PARS2: variants seen among roughly 807,000 people sequenced by gnomAD.
PARS2 encodes the protein prolyl-tRNA synthetase 2, mitochondrial.
PARS2 carries 20 observed loss-of-function variants against 27.4 expected under a neutral mutation model. The ratio of observed to expected loss-of-function variants is 0.73; its 90% CI spans 0.51 to 1.06. The LOEUF (loss-of-function observed/expected upper bound fraction) is 1.06. PARS2 is among the 50% of genes least tolerant of loss of function. The pLI, the probability that PARS2 is intolerant of heterozygous loss-of-function variation, is 0.00. For missense variants in PARS2, 585 were observed against 602.1 expected (o/e 0.97, Z 0.30); for synonymous variants, 240 against 247.1 (o/e 0.97, Z 0.27).
intron 1 of PARS2, 40 bp downstream of exon 1, chr1:54,764,421 G>GC (rs1201006074): frequency 1.3e-5 from 2 of 152,224 alleles, no homozygotes; most frequent in African/African-American, 2.4e-5. Context: ...CGCTGCCCGC[G>GC]CCCGTCCCTC....
chr1:54,758,203 A>ATGGATG lies in PARS2; in HGVS notation c.953_958dup (p.Ser319_Ile320insThrSer). 6.2e-7 allele frequency: 1 copy of ATGGATG among 1,614,212 alleles called. No individual in the cohort carries two copies. The highest frequency in any genetic ancestry group is 1.3e-5 in the African/African-American group (1 of 75,058). ...GACATTGGTAAACTGGGCATTGAAA[A>ATGGATG]TGGATGAGTACTTGGTACCCAGGTA... On this transcript the variant is annotated inframe_insertion, in exon 2 of 2. Coordinates refer to ENST00000371279, the MANE Select transcript of PARS2 (RefSeq NM_152268.4).
At chr1:54,763,748 G>A (rs1410439259) in intron 1 of PARS2, among the ~76,000 whole-genome samples, 1 of 152,110 alleles carries the variant, frequency 6.6e-6, no homozygotes, top group East Asian at 1.9e-4. Flanking sequence ...CTACTCTGTC[G>A]GGACACTGTC....
rs1646133351 is a variant in PARS2, at chr1:54,758,265, C to T, written c.897G>A (p.Leu299=). ...QMNCPACQGP[L]TKTKGIEVGH... ...CCACCTCAATGCCTTTGGTTTTAGT[C>T]AATGGGCCCTGGCAAGCAGGGCAGT... The change falls in exon 2 of 2, where the codon TTG becomes TTA. Residue 299 remains leucine, a synonymous_variant. Coordinates refer to ENST00000371279, the MANE Select transcript of PARS2 (RefSeq NM_152268.4). The T allele has an allele frequency of 6.2e-7, 1 of 1,614,196 alleles. No individual in the cohort carries two copies. The highest frequency in any genetic ancestry group is 2.2e-5 in the East Asian group (1 of 44,878).
In PARS2 at chr1:54,758,145, G is replaced by A; in HGVS notation, c.1017C>T (p.Cys339=). The A allele has an allele frequency of 2.5e-6, 4 of 1,614,222 alleles. No homozygotes were observed. The highest frequency in any genetic ancestry group is 1.1e-5 in the South Asian group (1 of 91,088). Residue 339 remains cysteine (C), a synonymous_variant, in exon 2 of 2, where the codon TGC becomes TGT. Transcript: ENST00000371279. ...CGKPTLAEMG[C]YGLGVTRILA... is the part of the protein sequence containing the mutation. ...AGATCCGTGTCACACCCAAGCCATAGCACCCCATTTCAGCCAGGGTTGGTT... is the reference window on the plus strand; with the variant it reads ...AGATCCGTGTCACACCCAAGCCATAACACCCCATTTCAGCCAGGGTTGGTT...
At chr1:54,762,226 AC>A (rs1646162006) in intron 1 of PARS2, among the ~76,000 whole-genome samples, 1 of 149,050 alleles carries the variant, frequency 6.7e-6, no homozygotes, top group Admixed American at 6.8e-5. Flanking sequence ...CAACCTCCGT[AC>A]CCCCAGCCTC....
chr1:54,764,166 C>T (rs775684225), intron 1 of PARS2, among the ~76,000 whole-genome samples: 6 of 152,232 alleles, frequency 3.9e-5, no homozygotes, highest in Non-Finnish European at 7.3e-5. Flanking sequence ...GGAAGGCTGG[C>T]TCAGGCAGCA....
chr1:54,758,493 G>T lies in PARS2; in HGVS notation c.669C>A (p.Tyr223Ter). The T allele has an allele frequency of 4.3e-6, 7 of 1,614,190 alleles. No individual in the cohort carries two copies. Among genetic ancestry groups the T allele is most frequent in the Non-Finnish European group, 5.9e-6 (7 of 1,180,030 alleles). ...TGCAGTAGGCATCACACACCAGGCT[G>T]TAGGTCTGCTGGGCAGCCTCTGGGG... ...DSSPEAAQQT[Y>*]SLVCDAYCSL... The change falls in exon 2 of 2, where the codon TAC becomes TAA. Residue 223 changes from tyrosine to a stop codon, truncating the protein, a stop_gained. Transcript: ENST00000371279. LOFTEE classifies it high-confidence loss of function.
rs575692913 is a variant in PARS2 at position 54,758,742 on chromosome 1, C to T, written c.420G>A (p.Glu140=). ...ATNRWDLMGK[E]LLRLRDRHGK... ...CATGCCTGTCTCTAAGTCTTAGCAG[C>T]TCTTTGCCCATCAAGTCCCACCGGT... The change falls in exon 2 of 2, where the codon GAG becomes GAA. Residue 140 remains glutamate (E), a synonymous_variant. Transcript: ENST00000371279. The T allele has an allele frequency of 5.0e-6, 8 of 1,614,190 alleles. No individual in the cohort carries two copies. The South Asian group carries it at 8.8e-5, about 18-fold the overall frequency.
Position 54,757,931 on chromosome 1 carries a change from C to G in PARS2, c.1231G>C (p.Asp411His), listed in dbSNP as rs762316942. 1.9e-6 allele frequency: 3 copies of G among 1,614,162 alleles called. No homozygotes were observed. In the Admixed American group the frequency reaches 5.0e-5, roughly 27 times the overall value. ...CCGATGGTCAGATGGGTCCTGTCGT[C>G]CAGGAGCACCTCCCCGTGAAGCTGA... ...VPQLHGEVLL[D>H]DRTHLTIGNR... Residue 411 changes from aspartate to histidine, a missense_variant, in exon 2 of 2, where the codon GAC becomes CAC. Transcript: ENST00000371279.
rs745471812 is a variant in PARS2 at position 54,759,129 on chromosome 1, C to A, written c.33G>T (p.Leu11Phe). 16 of 1,606,314 alleles carry A rather than the reference C, an allele frequency of 1.0e-5. No homozygotes were observed. The South Asian group carries it at 1.7e-4, about 17-fold the overall frequency. ...GGCGGCTGCAGGTGGCCAGGGCGGG[C>A]AATGCTCTGCATCTTGTCAGCAGCC... MEGLLTRCRA[L>F]PALATCSRQL... is the part of the protein sequence containing the mutation. Residue 11 changes from leucine (L) to phenylalanine (F), a missense_variant, in exon 2 of 2, where the codon TTG becomes TTT. Coordinates refer to ENST00000371279, the MANE Select transcript of PARS2 (RefSeq NM_152268.4).
rs1287920789 is a variant in PARS2 at position 54,758,679 on chromosome 1, G to A, written c.483C>T (p.Ala161=). 7 of 1,614,204 alleles carry A rather than the reference G, an allele frequency of 4.3e-6. No individual in the cohort carries two copies. The highest frequency in any genetic ancestry group is 1.1e-5 in the South Asian group (1 of 91,084). The part of the protein sequence containing the change: ...EYCLGPTHEE[A]ITALIASQKK... ...TCTGGGAGGCAATTAAGGCCGTAAT[G>A]GCTTCCTCGTGAGTTGGTCCTAAGC... is the stretch of plus-strand genomic sequence containing the variant. Residue 161 remains alanine, a synonymous_variant, in exon 2 of 2, where the codon GCC becomes GCT. Transcript: ENST00000371279.
rs1646135400 is a variant in PARS2 at position 54,758,528 on chromosome 1, AG to A, written c.633del (p.Phe212LeufsTer26). 6.2e-7 allele frequency: 1 copy of A among 1,614,062 alleles called. No homozygotes were observed. Among genetic ancestry groups the A allele is most frequent in the Admixed American group, 1.7e-5 (1 of 60,002 alleles). ...TGGGCAGCCTCTGGGGAGGAGTCAA[AG>A]GTGTACATATCCTTCATGTAAAACT... ...GREFYMKDMY[T>X]FDSSPEAAQQ... On this transcript the variant is annotated frameshift_variant, in exon 2 of 2. Coordinates refer to ENST00000371279, the MANE Select transcript of PARS2 (RefSeq NM_152268.4). LOFTEE classifies it high-confidence loss of function.
chr1:54,759,269 A>G (rs1646140918), intron 1 of PARS2, 79 bp from the exon 2 acceptor site: 3 of 834,320 alleles, frequency 3.6e-6, no homozygotes, highest in Non-Finnish European at 5.5e-6. Flanking sequence ...GCCTGCTCTC[A>G]ACAAACTTCG....
At chr1:54,762,326 A>G (rs1646162412) in intron 1 of PARS2, among the ~76,000 whole-genome samples, 1 of 152,112 alleles carries the variant, frequency 6.6e-6, no homozygotes, top group African/African-American at 2.4e-5. Flanking sequence ...TTTAGTACAG[A>G]CAGAGTTTCA....
chr1:54,763,425 T>C (rs1361364296), intron 1 of PARS2, among the ~76,000 whole-genome samples: 1 of 152,242 alleles, frequency 6.6e-6, no homozygotes, highest in Non-Finnish European at 1.5e-5. Context: ...TGAAGTTTTA[T>C]ACATCTTTAA....
chr1:54,758,138 A>G lies in PARS2; in HGVS notation c.1024T>C (p.Leu342=). 6.2e-7 allele frequency: 1 copy of G among 1,614,226 alleles called. No homozygotes were observed. The highest frequency in any genetic ancestry group is 8.5e-7 in the Non-Finnish European group (1 of 1,180,046). Residue 342 remains leucine (L), a synonymous_variant, in exon 2 of 2, where the codon TTG becomes CTG. Coordinates refer to ENST00000371279, the MANE Select transcript of PARS2 (RefSeq NM_152268.4). ...PTLAEMGCYG[L]GVTRILAAAI... The stretch of plus-strand genomic sequence containing the variant: ...GCAGCCAAGATCCGTGTCACACCCA[A>G]GCCATAGCACCCCATTTCAGCCAGG...
At chr1:54,764,097 C>T (rs1646172214) in intron 1 of PARS2, among the ~76,000 whole-genome samples, 1 of 152,210 alleles carries the variant, frequency 6.6e-6, no homozygotes, top group Admixed American at 6.5e-5. Flanking sequence ...CCTTCACTCG[C>T]TCGGTGACCC....
At chr1:54,759,231 G>A (rs1371288350) in intron 1 of PARS2, 41 bp from the exon 2 acceptor site, 2 of 1,287,440 alleles carry the variant, frequency 1.6e-6, no homozygotes, top group South Asian at 1.5e-5. Flanking sequence ...CCTCATCCGT[G>A]TTCCAACACC....
chr1:54,764,379 C>G (rs1646174222), intron 1 of PARS2, 82 bp downstream of exon 1: 1 of 152,278 alleles, frequency 6.6e-6, no homozygotes, highest in Non-Finnish European at 1.5e-5. Context: ...GGTCCTAGGT[C>G]TCCGCGCCCA....
Sources: gnomAD v4.1 joint callset for allele counts (sites outside exome capture counted in the v4.1 genomes callset) on GRCh38, gnomAD v4.1.1 for gene constraint, MANE v1.5 for transcripts, NCBI Gene and HGNC (gene_info 2026-07-23, HGNC 2026-07-21) for gene names.